The following MAP3K1 variants were observed in gnomAD, a reference collection of about 807,000 sequenced individuals.
The protein encoded by MAP3K1 is MAP/ERK kinase kinase 1.
MAP3K1 carries 36 observed loss-of-function variants against 144.2 expected under a neutral mutation model. The ratio of observed to expected loss-of-function variants is 0.25; its 90% confidence interval spans 0.19 to 0.33. The LOEUF is 0.33. Ranked by LOEUF, MAP3K1 falls within the 10% of genes least tolerant of loss-of-function variation. The probability of loss-of-function intolerance (pLI) is 1.00; values close to 1 mark genes in which losing one functional copy is unlikely to be tolerated. For missense variants in MAP3K1, 1,650 were observed against 1,881.9 expected (o/e 0.88, Z 2.28); for synonymous variants, 718 against 688.7 (o/e 1.04, Z -0.67).
chr5:56,878,136 G>C (rs1748097607), intron 10 of MAP3K1, among the ~76,000 whole-genome samples: 1 of 152,172 alleles, frequency 6.6e-6, no homozygotes, highest in African/African-American at 2.4e-5. Flanking sequence ...TAAATATCTT[G>C]TGAGAGTTAC....
intron 1 of MAP3K1, among the ~76,000 whole-genome samples, chr5:56,834,437 C>T (rs1331934390): frequency 6.6e-6 from 1 of 152,134 alleles, no homozygotes; most frequent in Non-Finnish European, 1.5e-5. Flanking sequence ...TATGTGTATG[C>T]CTGGATATGA....
intron 12 of MAP3K1, 21 bp from the exon 13 acceptor site, chr5:56,881,061 AT>A (rs1360040495): frequency 6.3e-7 from 1 of 1,581,018 alleles, no homozygotes; most frequent in East Asian, 2.3e-5. Context: ...TTAATCATTT[AT>A]TTTTACTTTC....
At chr5:56,830,624 A>G (rs1167265995) in intron 1 of MAP3K1, among the ~76,000 whole-genome samples, 2 of 152,206 alleles carry the variant, frequency 1.3e-5, no homozygotes, top group African/African-American at 4.8e-5. Context: ...TAAATATTTT[A>G]TAAATCATTT....
intron 10 of MAP3K1, among the ~76,000 whole-genome samples, chr5:56,878,114 A>T (rs769103633): frequency 1.8e-4 from 28 of 152,220 alleles, no homozygotes; most frequent in Non-Finnish European, 3.2e-4. Context: ...CCTGCTGTAA[A>T]GTTAATATTC....
In MAP3K1 at chr5:56,882,222, G is replaced by A. The variant is rs761997360; in HGVS notation, c.3022G>A (p.Gly1008Arg). The A allele has an allele frequency of 1.9e-6, 3 of 1,613,960 alleles. No individual in the cohort carries two copies. Among genetic ancestry groups the A allele is most frequent in the Non-Finnish European group, 2.5e-6 (3 of 1,180,000 alleles). ...AGATGTCTCTAAGCATAGACTTCAG[G>A]GATTCATTCCCTGCAGAATACCTTC... ...ATDVSKHRLQGFIPCRIPSAS... is the reference protein window; with the variant it reads ...ATDVSKHRLQRFIPCRIPSAS... Residue 1008 changes from glycine to arginine, a missense_variant, in exon 14 of 20, where the codon GGA (glycine) becomes AGA (arginine). By Grantham distance (125) the Gly-to-Arg change is moderately radical. Transcript: ENST00000399503.
At chr5:56,873,389 C>A (rs150146897) in intron 9 of MAP3K1, among the ~76,000 whole-genome samples, 18 of 152,318 alleles carry the variant, frequency 1.2e-4, no homozygotes, top group Admixed American at 3.3e-4. Flanking sequence ...AAATTAATTT[C>A]TCTTTTCATA....
chr5:56,880,869 C>G (rs1748184371), intron 12 of MAP3K1, 67 bp downstream of exon 12: 1 of 1,260,888 alleles, frequency 7.9e-7, no homozygotes, highest in Non-Finnish European at 1.2e-6. Context: ...CTTGTCTAAT[C>G]TCATAATCTC....
chr5:56,818,634 A>G (rs1746057183), intron 1 of MAP3K1, among the ~76,000 whole-genome samples: 1 of 152,158 alleles, frequency 6.6e-6, no homozygotes, highest in Non-Finnish European at 1.5e-5. Flanking sequence ...TTTTCCTTAT[A>G]TTACAGAATT....
In MAP3K1 at chr5:56,865,353, C is replaced by T. The variant is rs995383293; in HGVS notation, c.1049C>T (p.Ala350Val). 3 of 1,600,778 alleles carry T rather than the reference C, an allele frequency of 1.9e-6. No homozygotes were observed. Among genetic ancestry groups the T allele is most frequent in the African/African-American group, 1.3e-5 (1 of 74,760 alleles). Residue 350 changes from alanine (A) to valine (V), a missense_variant, in exon 5 of 20, where the codon GCA (alanine) becomes GTA (valine). Physicochemically the swap from Ala to Val is moderately conservative, Grantham distance 64. Around this residue, in one of 6 missense-constraint regions of MAP3K1, gnomAD observed 125 missense variants for 179.9 expected, o/e 0.69. Coordinates refer to ENST00000399503, the MANE Select transcript of MAP3K1 (RefSeq NM_005921.2). ...TTAACTCTTTAGAACTGCAGCTGTGCACGTGGAACATTCTGTATTCATCTG... is the reference window on the plus strand; with the variant it reads ...TTAACTCTTTAGAACTGCAGCTGTGTACGTGGAACATTCTGTATTCATCTG... ...VFIGPQNCSC[A>V]RGTFCIHLLF... is the part of the protein sequence containing the mutation.
intron 1 of MAP3K1, among the ~76,000 whole-genome samples, chr5:56,842,908 C>T (rs916919593): frequency 6.6e-6 from 1 of 152,082 alleles, no homozygotes; most frequent in African/African-American, 2.4e-5. Context: ...ATATCTTAAC[C>T]CAGGCAGTCT....
chr5:56,893,655 A>G lies in MAP3K1; in HGVS notation c.4514A>G (p.His1505Arg). The G allele has an allele frequency of 6.2e-7, 1 of 1,613,988 alleles. No individual in the cohort carries two copies. The highest frequency in any genetic ancestry group is 8.5e-7 in the Non-Finnish European group (1 of 1,179,866). ...CCTCCATCAAGAGAGCTACTGAAGC[A>G]TCCAGTCTTTCGTACTACATGGTAG... ...DRPPSRELLK[H>R]PVFRTTW is the part of the protein sequence containing the mutation. Residue 1505 changes from histidine (H) to arginine (R), a missense_variant, in exon 20 of 20, where the codon CAT (histidine) becomes CGT (arginine). Physicochemically the swap from His to Arg is conservative, Grantham distance 29 (BLOSUM62 0). This residue lies in a region of MAP3K1 where 165 missense variants were observed against 322.9 expected (regional missense o/e 0.51). Coordinates refer to ENST00000399503, the MANE Select transcript of MAP3K1 (RefSeq NM_005921.2).
intron 19 of MAP3K1, among the ~76,000 whole-genome samples, chr5:56,888,594 G>A (rs1277700351): frequency 6.6e-6 from 1 of 152,202 alleles, no homozygotes; most frequent in African/African-American, 2.4e-5. Context: ...CTAGCAATAT[G>A]TGCTATGATA....
chr5:56,816,519 C>T (rs1745974755), intron 1 of MAP3K1, among the ~76,000 whole-genome samples: 1 of 151,970 alleles, frequency 6.6e-6, no homozygotes, highest in Non-Finnish European at 1.5e-5. Flanking sequence ...GGGTGAGAAG[C>T]CCGAGGTCGG....
Position 56,886,067 on chromosome 5 carries a change from A to T in MAP3K1, c.4114+4A>T. Reference sequence around the variant, plus strand: ...ATCATTCACAGAGATGTCAAAGGTGAGAATTCTTCTAATTATTATCTAGTG... The same window carrying T: ...ATCATTCACAGAGATGTCAAAGGTGTGAATTCTTCTAATTATTATCTAGTG... On this transcript the variant is annotated splice_donor_region_variant and intron_variant, in intron 17 of 19. Coordinates refer to ENST00000399503, the MANE Select transcript of MAP3K1 (RefSeq NM_005921.2). The T allele has an allele frequency of 6.2e-7, 1 of 1,611,190 alleles. No homozygotes were observed.
chr5:56,882,970 C>G (rs1266039547), intron 14 of MAP3K1, 104 bp downstream of exon 14: 5 of 915,812 alleles, frequency 5.5e-6, no homozygotes, highest in Non-Finnish European at 8.4e-6. Context: ...CGAAGGATTG[C>G]TTGAGCACAG....
chr5:56,854,432 C>CAA (rs10647091), intron 1 of MAP3K1, among the ~76,000 whole-genome samples: 56,002 of 85,058 alleles, frequency 0.66, 18,578 homozygotes, highest in Non-Finnish European at 0.74. Context: ...AACTCCATCT[C>CAA]AAAAAAAAAA....
intron 3 of MAP3K1, among the ~76,000 whole-genome samples, chr5:56,864,357 A>C (rs1002183688): frequency 2.0e-5 from 3 of 148,708 alleles, no homozygotes; most frequent in Non-Finnish European, 4.4e-5. Flanking sequence ...GTCTTGTATG[A>C]TCTTCTTTGG....
intron 17 of MAP3K1, among the ~76,000 whole-genome samples, chr5:56,886,573 A>G (rs1205758068): frequency 6.6e-6 from 1 of 152,178 alleles, no homozygotes; most frequent in Non-Finnish European, 1.5e-5. Context: ...CCTTTTCTAC[A>G]GTTTTATTGC....
At position 56,882,679 on chromosome 5, in the gene MAP3K1, A is replaced by C; in HGVS notation, c.3479A>C (p.Lys1160Thr). ...KSEVAVLSPE[K>T]AENDDTYKDD... ...GAAGTTGCTGTCCTGTCTCCTGAAA[A>C]GGCTGAAAATGATGATACCTACAAA... The change falls in exon 14 of 20, where the codon AAG becomes ACG. Residue 1160 changes from lysine to threonine, a missense_variant. Lys to Thr is a moderately conservative substitution (Grantham distance 78, BLOSUM62 -1). Transcript: ENST00000399503. 6.2e-7 allele frequency: 1 copy of C among 1,614,118 alleles called. No homozygotes were observed. Among genetic ancestry groups the C allele is most frequent in the Non-Finnish European group, 8.5e-7 (1 of 1,180,010 alleles).
Sources: gnomAD v4.1 joint callset for allele counts (sites outside exome capture counted in the v4.1 genomes callset) on GRCh38, gnomAD v4.1.1 for gene constraint, gnomAD v4.1.1 regional missense constraint, MANE v1.5 for transcripts, NCBI Gene and HGNC (gene_info 2026-07-23, HGNC 2026-07-21) for gene names.